The following DEAF1 variants were observed in gnomAD, a reference collection of about 807,000 sequenced individuals.
DEAF1 encodes deformed epidermal autoregulatory factor 1 homolog.
A neutral mutation model predicts 58.9 loss-of-function variants in DEAF1; 53 were observed. The observed-to-expected ratio is 0.90, with a 90% CI of 0.72 to 1.13. The LOEUF is 1.13. DEAF1 is among the 50% of genes most tolerant of loss of function. The probability of loss-of-function intolerance (pLI) is 0.00; values close to 1 mark genes in which losing one functional copy is unlikely to be tolerated. For missense variants in DEAF1, 685 were observed against 791.4 expected (o/e 0.87, Z 1.61); for synonymous variants, 385 against 340.4 (o/e 1.13, Z -1.44).
At position 688,312 on chromosome 11, in the gene DEAF1, G is replaced by A. The variant is rs7116631; in HGVS notation, c.517+19C>T. 0.14 allele frequency: 217,991 copies of A among 1,610,774 alleles called. 17,490 individuals carry two copies. Among genetic ancestry groups the A allele is most frequent in the African/African-American group, 0.36 (27,306 of 74,872 alleles). Reference sequence around the variant, plus strand: ...GAAACGTGTTTTGCCCGAGGCCTGGGGTGCAGGCACCGCTGTACCTGGGGT... The same window carrying A: ...GAAACGTGTTTTGCCCGAGGCCTGGAGTGCAGGCACCGCTGTACCTGGGGT... On this transcript the variant is annotated intron_variant, in intron 3 of 11. Coordinates refer to ENST00000382409, the MANE Select transcript of DEAF1 (RefSeq NM_021008.4). This position sits in a 1 kb window ranked among gnomAD's most constrained non-coding sequence, Gnocchi z 4.3.
Position 679,833 on chromosome 11 carries a change from A to C in DEAF1, c.998-17T>G. ...TCACGGTGACTGGAAAGGCAGAAGC[A>C]CATTTCACGCGGCCAGGCAGTGGCG... On this transcript the variant is annotated splice_polypyrimidine_tract_variant and intron_variant, in intron 7 of 11. Transcript: ENST00000382409. 6 of 1,612,486 alleles carry C rather than the reference A, an allele frequency of 3.7e-6. No individual in the cohort carries two copies. Among genetic ancestry groups the C allele is most frequent in the Non-Finnish European group, 5.1e-6 (6 of 1,180,026 alleles).
chr11:653,828 C>G lies in DEAF1; in HGVS notation c.1593+134G>C, dbSNP rs892276902. On this transcript the variant is annotated intron_variant, in intron 11 of 11. Coordinates refer to ENST00000382409, the MANE Select transcript of DEAF1 (RefSeq NM_021008.4). The stretch of plus-strand genomic sequence containing the variant: ...TCTTCACGGAGCCAGGCAGGAGCCC[C>G]GGATTCCCAGAGGGAGGGACAGGGA... 3 of 799,352 alleles carry G rather than the reference C, an allele frequency of 3.8e-6. No homozygotes were observed. In the South Asian group the frequency reaches 4.2e-5, roughly 11 times the overall value. The allele number at this position is 799,352 out of a possible 1,614,324, so 49.5% of individuals were successfully genotyped here.
intron 9 of DEAF1, among the ~76,000 whole-genome samples, chr11:677,419 CA>C (rs1380615236): frequency 2.4e-5 from 2 of 82,300 alleles, no homozygotes; most frequent in African/African-American, 7.3e-5. Flanking sequence ...GACTCCATCT[CA>C]AAAAAAAAAC....
upstream of DEAF1, chr11:699,925 AG>A (rs1361570121): frequency 2.4e-5 from 13 of 552,210 alleles, no homozygotes; most frequent in East Asian, 4.0e-4. Context: ...TGTGGCATGG[AG>A]GGGGGTCCCA....
rs1859983719 is a variant in DEAF1 at position 674,784 on chromosome 11, C to T, written c.1256-1G>A. 2 of 1,611,020 alleles carry T rather than the reference C, an allele frequency of 1.2e-6. No individual in the cohort carries two copies. Among genetic ancestry groups the T allele is most frequent in the Non-Finnish European group, 1.7e-6 (2 of 1,179,994 alleles). On this transcript the variant is annotated splice_acceptor_variant, in intron 9 of 11. Transcript: ENST00000382409. LOFTEE classifies it high-confidence loss of function. ...GCCAGCGCAGGCAGGGATGTCAACA[C>T]TAGAGCATTTGGAAAGCAAAACAAA...
chr11:700,675 T>A, intron 1 of DEAF1: 1 of 1,614,186 alleles, frequency 6.2e-7, no homozygotes, highest in Non-Finnish European at 8.5e-7. Context: ...CTGTTTCTGA[T>A]GGGGATTCTA....
chr11:704,252 G>T (rs1861625374), intron 1 of DEAF1: 4 of 764,428 alleles, frequency 5.2e-6, no homozygotes, highest in Non-Finnish European at 5.4e-6. Context: ...TGGCTGCCGG[G>T]CGCCTTCCGC....
intron 1 of DEAF1, chr11:705,503 G>C (rs1861674629): frequency 6.5e-6 from 1 of 153,676 alleles, no homozygotes; most frequent in South Asian, 2.0e-4. Context: ...GAGGCATCCT[G>C]AGAGGGCCTG....
chr11:655,603 A>G (rs7927761), intron 10 of DEAF1, among the ~76,000 whole-genome samples: 40,043 of 152,076 alleles, frequency 0.26, 7,815 homozygotes, highest in African/African-American at 0.56. Context: ...ACAGAGCAGC[A>G]CAGGAAACGA....
intron 1 of DEAF1, chr11:700,353 C>T (rs1284579064): frequency 1.7e-5 from 16 of 945,684 alleles, no homozygotes; most frequent in Non-Finnish European, 2.6e-5. Flanking sequence ...ATGGGGAAAC[C>T]CCATCTCTAC....
rs973760034 is a variant in DEAF1 at position 694,799 on chromosome 11, C to G, written c.249G>C (p.Leu83=). The change falls in exon 1 of 12, where the codon CTG becomes CTC. Residue 83 remains leucine, a synonymous_variant. Coordinates refer to ENST00000382409, the MANE Select transcript of DEAF1 (RefSeq NM_021008.4). ...CAGCGGCGGCCTCGTCGGGGCCGGG[C>G]AGGGCCTCGGCGCCCATGTCCATGT... ...PGHMDMGAEA[L]PGPDEAAAAA... 6 of 1,396,332 alleles carry G rather than the reference C, an allele frequency of 4.3e-6. No homozygotes were observed. The African/African-American group carries it at 7.5e-5, about 17-fold the overall frequency. The allele number at this position is 1,396,332 out of a possible 1,614,324, so 86.5% of individuals were successfully genotyped here. A position where few individuals can be genotyped will look rare whatever the true frequency, so the allele number is the denominator to read the frequency against.
intron 11 of DEAF1, among the ~76,000 whole-genome samples, chr11:645,969 T>C (rs945860494): frequency 6.6e-6 from 1 of 151,932 alleles, no homozygotes; most frequent in Admixed American, 6.6e-5. Context: ...AGAGCAAAAT[T>C]AGGCCGGGCG....
At chr11:665,117 AGGACAG>A (rs1859460681) in intron 10 of DEAF1, among the ~76,000 whole-genome samples, 1 of 130,280 alleles carries the variant, frequency 7.7e-6, no homozygotes, top group Non-Finnish European at 1.7e-5. Flanking sequence ...CGAGAGGAGG[AGGACAG>A]GGTGTCACAC....
chr11:693,225 A>G (rs187870476), intron 1 of DEAF1, among the ~76,000 whole-genome samples: 1 of 152,356 alleles, frequency 6.6e-6, no homozygotes, highest in Non-Finnish European at 1.5e-5. Context: ...CATTCAGAAA[A>G]ATACGTGCAA....
At chr11:675,647 A>T (rs1860015460) in intron 9 of DEAF1, among the ~76,000 whole-genome samples, 1 of 152,000 alleles carries the variant, frequency 6.6e-6, no homozygotes, top group African/African-American at 2.4e-5. Flanking sequence ...ACATGGTGAA[A>T]CCCCATTTCT....
chr11:673,539 T>G (rs754176382), intron 10 of DEAF1, among the ~76,000 whole-genome samples: 2 of 152,028 alleles, frequency 1.3e-5, no homozygotes, highest in Non-Finnish European at 2.9e-5. Flanking sequence ...CAAATAAAAA[T>G]AAAAATAGAA....
At chr11:671,804 AAC>A (rs72434743) in intron 10 of DEAF1, among the ~76,000 whole-genome samples, 54,228 of 139,796 alleles carry the variant, frequency 0.39, 11,882 homozygotes, top group East Asian at 0.57. Context: ...GAGCCTAGGC[AAC>A]AGAGTGAGAC....
intron 10 of DEAF1, among the ~76,000 whole-genome samples, chr11:667,586 G>A (rs1486765621): frequency 1.3e-5 from 2 of 152,098 alleles, no homozygotes; most frequent in South Asian, 4.2e-4. Flanking sequence ...TGAATCACCT[G>A]AGGTCGGTCA....
Position 644,639 on chromosome 11 carries a change from G to A in DEAF1, c.1609C>T (p.Gln537Ter), listed in dbSNP as rs759498621. ...FCQRKDWKDH[Q>*]HICGQSAAVT... ...GCTGCTGACTGGCCGCATATGTGCT[G>A]GTGATCCTTCCAGTCCTGGAAGGGA... Residue 537 changes from glutamine (Q) to a stop codon, truncating the protein, a stop_gained, in exon 12 of 12, where the codon CAG becomes TAG. Coordinates refer to ENST00000382409, the MANE Select transcript of DEAF1 (RefSeq NM_021008.4). LOFTEE classifies it high-confidence loss of function. The surrounding 1 kb of genome is among the most constrained non-coding windows in gnomAD (Gnocchi z 4.3). The A allele has an allele frequency of 5.0e-6, 8 of 1,611,272 alleles. No individual in the cohort carries two copies. The highest frequency in any genetic ancestry group is 1.7e-6 in the Non-Finnish European group (2 of 1,179,480).
Sources: allele counts gnomAD v4.1 joint callset (sites outside exome capture counted in the v4.1 genomes callset), GRCh38; gene constraint gnomAD v4.1.1; non-coding constraint Gnocchi (gnomAD v3.1); transcripts MANE v1.5; gene names NCBI Gene and HGNC (gene_info 2026-07-23, HGNC 2026-07-21).